CCDC30: variants seen among roughly 807,000 people sequenced by gnomAD.
CCDC30 encodes the protein coiled-coil domain containing 30.
A neutral mutation model predicts 100.2 loss-of-function variants in CCDC30; 70 were observed. The observed-to-expected ratio is 0.70, with a 90% CI of 0.58 to 0.85. The LOEUF (loss-of-function observed/expected upper bound fraction) is 0.85. CCDC30 is among the 40% of genes least tolerant of loss of function. CCDC30 has a pLI of 0.00. For synonymous variants in CCDC30, 233 were observed against 269.5 expected (o/e 0.86, Z 1.33); for missense variants, 652 against 771.2 (o/e 0.85, Z 1.83).
At chr1:42,612,385 G>A (rs1010542803) in intron 11 of CCDC30, among the ~76,000 whole-genome samples, 1 of 152,120 alleles carries the variant, frequency 6.6e-6, no homozygotes, top group Admixed American at 6.5e-5. Flanking sequence ...ACAGCAAGGG[G>A]GCCAGAGAAG....
At chr1:42,493,208 T>G (rs1185937132) in intron 4 of CCDC30, among the ~76,000 whole-genome samples, 1 of 151,716 alleles carries the variant, frequency 6.6e-6, no homozygotes, top group Non-Finnish European at 1.5e-5. Flanking sequence ...TTAAATATAA[T>G]AAGAATAAGA....
At chr1:42,607,448 G>T (rs1646523103) in intron 10 of CCDC30, among the ~76,000 whole-genome samples, 1 of 151,730 alleles carries the variant, frequency 6.6e-6, no homozygotes, top group South Asian at 2.1e-4. Flanking sequence ...ACCAGGCACA[G>T]TGGCTCACTC....
chr1:42,645,681 T>C (rs1647825032), intron 14 of CCDC30, among the ~76,000 whole-genome samples: 1 of 152,196 alleles, frequency 6.6e-6, no homozygotes, highest in South Asian at 2.1e-4. Flanking sequence ...TTTTTTTTTC[T>C]GATTTTGTCA....
At position 42,626,958 on chromosome 1, in the gene CCDC30, G is replaced by A. The variant is rs112884860; in HGVS notation, c.1278-10279G>A. Among the ~76,000 whole-genome samples, 1,242 of 152,238 alleles carry A rather than the reference G, an allele frequency of 8.2e-3. 20 individuals carry two copies. The highest frequency in any genetic ancestry group is 0.025 in the African/African-American group (1,057 of 41,532). On this transcript the variant is annotated intron_variant, in intron 11 of 16. Coordinates refer to ENST00000668663, the Ensembl canonical transcript of CCDC30. ...GGTACCAGTAGATTGGGGCATTGCTGAAAAAATACCCAAAAATTTGGAAGC... is the reference window on the plus strand; with the variant it reads ...GGTACCAGTAGATTGGGGCATTGCTAAAAAAATACCCAAAAATTTGGAAGC...
At chr1:42,613,559 A>C (rs772640117) in intron 11 of CCDC30, among the ~76,000 whole-genome samples, 3 of 151,970 alleles carry the variant, frequency 2.0e-5, no homozygotes, top group Non-Finnish European at 4.4e-5. Flanking sequence ...CGGCCTATTC[A>C]TGTGCTTTCT....
At chr1:42,581,128 A>G (rs1310435312) in intron 8 of CCDC30, 11 of 417,166 alleles carry the variant, frequency 2.6e-5, no homozygotes, top group South Asian at 1.0e-4. Context: ...GGCGTGAGCC[A>G]GCATGTCTGG....
chr1:42,539,050 T>G (rs1312603793), intron 6 of CCDC30, 123 bp from the exon 8 acceptor site: 1 of 660,916 alleles, frequency 1.5e-6, no homozygotes, highest in Non-Finnish European at 2.3e-6. Flanking sequence ...AAGGATAGGT[T>G]GGAATATTTA....
Position 42,489,807 on chromosome 1 carries a change from C to G in CCDC30, c.170-351C>G, listed in dbSNP as rs1644109368. On this transcript the variant is annotated intron_variant, in intron 3 of 16. Transcript: ENST00000668663. Reference sequence around the variant, plus strand: ...TTGCAGGAATTATTTTTACTTATTTCTGGGTGTAATTTCTTTTTACTAAAC... The same window carrying G: ...TTGCAGGAATTATTTTTACTTATTTGTGGGTGTAATTTCTTTTTACTAAAC... 3 of 156,902 alleles carry G rather than the reference C, an allele frequency of 1.9e-5. No individual in the cohort carries two copies. In the Admixed American group the frequency reaches 1.9e-4, roughly 10 times the overall value. 9.7% of individuals were successfully genotyped at this position (156,902 alleles called of 1,614,324 possible). A position where few individuals can be genotyped will look rare whatever the true frequency, so the allele number is the denominator to read the frequency against.
At chr1:42,514,732 C>A (rs1182660807) in intron 6 of CCDC30, among the ~76,000 whole-genome samples, 1 of 152,190 alleles carries the variant, frequency 6.6e-6, no homozygotes, top group African/African-American at 2.4e-5. Flanking sequence ...CAGCTCACTG[C>A]AACCTCAGCC....
At chr1:42,640,804 G>A (rs374195885) in intron 12 of CCDC30, among the ~76,000 whole-genome samples, 5 of 152,164 alleles carry the variant, frequency 3.3e-5, no homozygotes, top group African/African-American at 1.2e-4. Flanking sequence ...TGAGGCAGGA[G>A]AATTGCTTGA....
intron 6 of CCDC30, among the ~76,000 whole-genome samples, chr1:42,532,317 T>A (rs6686245): frequency 6.6e-6 from 1 of 152,124 alleles, no homozygotes; most frequent in Non-Finnish European, 1.5e-5. Context: ...AAAGGGGAGA[T>A]GGGAGTCCTG....
intron 1 of CCDC30, among the ~76,000 whole-genome samples, chr1:42,476,470 C>A (rs1482798478): frequency 1.3e-5 from 2 of 152,056 alleles, no homozygotes; most frequent in Non-Finnish European, 1.5e-5. Flanking sequence ...GTGGGCGGAT[C>A]ACCTGAGGTG....
upstream of CCDC30, among the ~76,000 whole-genome samples, chr1:42,461,794 C>T (rs1643419891): frequency 6.6e-6 from 1 of 152,090 alleles, no homozygotes; most frequent in South Asian, 2.1e-4. Context: ...ATCTGCCCGC[C>T]CCGGCCTTCC....
At chr1:42,586,670 A>G (rs1294969868) in intron 9 of CCDC30, among the ~76,000 whole-genome samples, 1 of 152,182 alleles carries the variant, frequency 6.6e-6, no homozygotes, top group Non-Finnish European at 1.5e-5. Context: ...ATATCAAGCC[A>G]TGGTGAACAG....
At chr1:42,551,566 G>A (rs1171644298) in intron 6 of CCDC30, among the ~76,000 whole-genome samples, 2 of 151,986 alleles carry the variant, frequency 1.3e-5, no homozygotes, top group Admixed American at 6.6e-5. Context: ...ATAATTTTTG[G>A]CTGATAGTCT....
intron 7 of CCDC30, among the ~76,000 whole-genome samples, chr1:42,573,357 G>A (rs1244172209): frequency 6.6e-6 from 1 of 151,834 alleles, no homozygotes; most frequent in Non-Finnish European, 1.5e-5. Context: ...ATATTCACAG[G>A]TGCTGATATT....
At chr1:42,591,880 AC>A (rs1646193450) in intron 10 of CCDC30, 1 of 152,304 alleles carries the variant, frequency 6.6e-6, no homozygotes, top group Admixed American at 6.5e-5. Context: ...TACGCATTGC[AC>A]CATTGTGCCC....
At chr1:42,518,776 T>TTTG (rs903038887) in intron 6 of CCDC30, among the ~76,000 whole-genome samples, 9 of 152,178 alleles carry the variant, frequency 5.9e-5, no homozygotes, top group Admixed American at 2.6e-4. Context: ...ACCTTTTATT[T>TTTG]TTGTTGTTGT....
chr1:42,498,992 T>C (rs1450116423), intron 6 of CCDC30, 76 bp downstream of exon 6: 1 of 681,566 alleles, frequency 1.5e-6, no homozygotes, highest in Non-Finnish European at 2.1e-6. Flanking sequence ...ACTAGAGTGA[T>C]TGGTGCTAAT....
Sources: allele counts gnomAD v4.1 joint callset (sites outside exome capture counted in the v4.1 genomes callset), GRCh38; gene constraint gnomAD v4.1.1; transcripts MANE v1.5; gene names NCBI Gene and HGNC (gene_info 2026-07-23, HGNC 2026-07-21).